Variants in UST observed in about 807,000 individuals in gnomAD.
UST encodes uronyl 2-sulfotransferase.
Under a neutral mutation model 45.6 loss-of-function variants are expected in UST, and 21 were observed. The ratio of observed to expected loss-of-function variants is 0.46; its 90% CI spans 0.33 to 0.66. The LOEUF (loss-of-function observed/expected upper bound fraction) is 0.66, where lower values mean the gene tolerates loss of function less well. Among genes scored for constraint, UST ranks in the 30% least tolerant of loss-of-function variants. The pLI is 0.02. For missense variants in UST, 463 were observed against 512.4 expected, an observed-to-expected ratio of 0.90 and a Z score of 0.93; for synonymous variants, 215 against 200.6, an observed-to-expected ratio of 1.07 and a Z score of -0.61.
chr6:148,916,931 T>C (rs1044153784), intron 2 of UST, among the ~76,000 whole-genome samples: 6 of 152,238 alleles, frequency 3.9e-5, no homozygotes, highest in African/African-American at 1.4e-4. Flanking sequence ...GCTCATCACG[T>C]TGCATAGTTA....
At chr6:148,999,476 C>T (rs1258455319) in intron 5 of UST, among the ~76,000 whole-genome samples, 2 of 152,182 alleles carry the variant, frequency 1.3e-5, no homozygotes, top group Non-Finnish European at 2.9e-5. Context: ...TCATGGCATA[C>T]TTCAAATATT....
At chr6:149,025,111 C>G (rs1278056423) in intron 7 of UST, among the ~76,000 whole-genome samples, 2 of 152,230 alleles carry the variant, frequency 1.3e-5, no homozygotes, top group Non-Finnish European at 2.9e-5. Context: ...TGGGTTGTCA[C>G]TTATTTCAGA....
At chr6:148,792,359 G>C (rs1346525565) in intron 1 of UST, among the ~76,000 whole-genome samples, 1 of 152,240 alleles carries the variant, frequency 6.6e-6, no homozygotes, top group Non-Finnish European at 1.5e-5. Flanking sequence ...GGCAATGAGA[G>C]CTCACAGTCT....
chr6:148,771,016 T>G (rs1776415639), intron 1 of UST, among the ~76,000 whole-genome samples: 1 of 151,996 alleles, frequency 6.6e-6, no homozygotes, highest in Non-Finnish European at 1.5e-5. Flanking sequence ...TAGAACAGAG[T>G]GATGTCACTG....
At chr6:148,939,496 GT>G (rs768574116) in intron 2 of UST, among the ~76,000 whole-genome samples, 23 of 152,142 alleles carry the variant, frequency 1.5e-4, no homozygotes, top group Admixed American at 3.3e-4. Context: ...ACTGACATGA[GT>G]ATAAACATAT....
chr6:148,932,022 C>T (rs928207830), intron 2 of UST, among the ~76,000 whole-genome samples: 3 of 152,198 alleles, frequency 2.0e-5, no homozygotes, highest in African/African-American at 7.2e-5. Context: ...ATTTCTCTTT[C>T]TGTCAAACAT....
chr6:148,988,588 A>G, intron 5 of UST, among the ~76,000 whole-genome samples: 1 of 151,238 alleles, frequency 6.6e-6, no homozygotes, highest in Non-Finnish European at 1.5e-5. Flanking sequence ...AAAAAAAAAA[A>G]AAAAAGCAAA....
At chr6:148,914,640 A>G (rs1779546495) in intron 2 of UST, among the ~76,000 whole-genome samples, 3 of 152,188 alleles carry the variant, frequency 2.0e-5, no homozygotes, top group South Asian at 4.1e-4. Flanking sequence ...CTATGAGAAT[A>G]TAATACTGCC....
chr6:149,031,302 A>C (rs572391461), intron 7 of UST, among the ~76,000 whole-genome samples: 7 of 152,036 alleles, frequency 4.6e-5, no homozygotes, highest in Admixed American at 4.6e-4. Context: ...CATAATGTAA[A>C]CCCCTTTAAC....
intron 7 of UST, among the ~76,000 whole-genome samples, chr6:149,034,834 TTCTCTCTCTCTCTCTCTCTCTC>T (rs60813679): frequency 0.02 from 892 of 45,728 alleles, 22 homozygotes; most frequent in African/African-American, 0.039. Context: ...TTCATGCTCA[TTCTCTCTCTCTCTCTCTCTCTC>T]TCTCTCTCTC....
intron 1 of UST, among the ~76,000 whole-genome samples, chr6:148,784,194 A>G (rs1294725228): frequency 2.0e-5 from 3 of 152,320 alleles, no homozygotes; most frequent in Non-Finnish European, 4.4e-5. Flanking sequence ...AAAAGGTAAC[A>G]CTAAAAATAA....
At chr6:148,982,939 T>G (rs1225127411) in intron 5 of UST, among the ~76,000 whole-genome samples, 1 of 152,222 alleles carries the variant, frequency 6.6e-6, no homozygotes, top group East Asian at 1.9e-4. Context: ...AATCCAGTAT[T>G]GATTTAAATG....
chr6:149,038,575 A>G (rs1776268226), intron 7 of UST, among the ~76,000 whole-genome samples: 1 of 152,158 alleles, frequency 6.6e-6, no homozygotes, highest in Non-Finnish European at 1.5e-5. Context: ...ACTATGAGAG[A>G]ATAAACTTCT....
intron 1 of UST, among the ~76,000 whole-genome samples, chr6:148,877,310 T>C (rs1582870815): frequency 1.8e-5 from 1 of 56,534 alleles, no homozygotes; most frequent in Non-Finnish European, 3.2e-5. Context: ...GGGTCGTGTA[T>C]GAGTGTGGGT....
At chr6:149,056,000 G>A (rs1366995252) in intron 7 of UST, among the ~76,000 whole-genome samples, 1 of 148,568 alleles carries the variant, frequency 6.7e-6, no homozygotes, top group Non-Finnish European at 1.5e-5. Context: ...AAATTAAAAT[G>A]TTTTAATTTT....
intron 7 of UST, among the ~76,000 whole-genome samples, chr6:149,057,752 A>C (rs1318579946): frequency 1.3e-5 from 2 of 152,262 alleles, no homozygotes; most frequent in Non-Finnish European, 2.9e-5. Flanking sequence ...TGGTTAGTTA[A>C]ATTTTAAAGA....
chr6:148,775,644 C>G (rs9498153), intron 1 of UST, among the ~76,000 whole-genome samples: 5,376 of 149,674 alleles, frequency 0.036, 118 homozygotes, highest in Non-Finnish European at 0.041. Flanking sequence ...TTTTTTGGGG[C>G]GGGGAGAGAG....
intron 1 of UST, among the ~76,000 whole-genome samples, chr6:148,826,321 C>G (rs925796901): frequency 1.3e-5 from 2 of 152,166 alleles, no homozygotes; most frequent in Non-Finnish European, 2.9e-5. Context: ...CCATGTTGGC[C>G]AGGCTGGTCT....
chr6:149,026,434 C>A (rs949929951), intron 7 of UST, among the ~76,000 whole-genome samples: 5 of 152,192 alleles, frequency 3.3e-5, no homozygotes, highest in African/African-American at 1.2e-4. Context: ...TATTTCTGAG[C>A]AGTGAATATT....
Sources: gnomAD v4.1 joint callset for allele counts (sites outside exome capture counted in the v4.1 genomes callset) on GRCh38, gnomAD v4.1.1 for gene constraint, MANE v1.5 for transcripts, NCBI Gene and HGNC (gene_info 2026-07-23, HGNC 2026-07-21) for gene names.